Variants in PDZD8 observed in about 807,000 individuals in gnomAD.
PDZD8 encodes the protein PDZ domain-containing protein 8.
PDZD8 carries 14 observed loss-of-function variants against 85.8 expected under a neutral mutation model. The ratio of observed to expected loss-of-function variants is 0.16; its 90% CI spans 0.11 to 0.26. The LOEUF (loss-of-function observed/expected upper bound fraction) is 0.26. PDZD8 is among the 10% of genes least tolerant of loss of function. The probability of loss-of-function intolerance (pLI) is 1.00; values close to 1 mark genes in which losing one functional copy is unlikely to be tolerated. For missense variants in PDZD8, 1,197 were observed against 1,424.3 expected (o/e 0.84, Z 2.57); for synonymous variants, 592 against 568.6 (o/e 1.04, Z -0.59).
intron 1 of PDZD8, among the ~76,000 whole-genome samples, chr10:117,356,208 A>G (rs1844892367): frequency 6.6e-6 from 1 of 152,098 alleles, no homozygotes; most frequent in Admixed American, 6.5e-5. Context: ...TTTAGAGACA[A>G]CTGTGTTAAA....
intron 3 of PDZD8, among the ~76,000 whole-genome samples, chr10:117,298,113 T>C (rs776126856): frequency 2.0e-5 from 3 of 152,030 alleles, no homozygotes; most frequent in Non-Finnish European, 2.9e-5. Flanking sequence ...GACCTACCCA[T>C]AATTGGAATT....
rs1401634608 is a variant in PDZD8, at chr10:117,374,881, C to A, written c.347G>T (p.Arg116Leu). ...CTTGATCTTCTTGGTGACCCAGCGG[C>A]GGGTCAGCGCGGTGTCCCGCAACTC... ...FRELRDTALT[R>L]RWVTKKIKVE... The change falls in exon 1 of 5, where the codon CGC (arginine) becomes CTC (leucine). Residue 116 changes from arginine (R) to leucine (L), a missense_variant. Coordinates refer to ENST00000334464, the MANE Select transcript of PDZD8 (RefSeq NM_173791.5). The surrounding 1 kb of genome is among the most constrained non-coding windows in gnomAD (Gnocchi z 7.8). 1.7e-5 allele frequency: 28 copies of A among 1,613,408 alleles called. No homozygotes were observed. Among genetic ancestry groups the A allele is most frequent in the African/African-American group, 2.7e-5 (2 of 74,914 alleles).
rs1844594080 is a variant in PDZD8 at position 117,283,057 on chromosome 10, A to C, written c.*211T>G. On this transcript the variant is annotated 3_prime_UTR_variant, in exon 5 of 5. Transcript: ENST00000334464. The stretch of plus-strand genomic sequence containing the variant: ...AATAAATTCCCAGTATAAACCCAAA[A>C]AAGCATAGCTATAAATGCAATCCAA... 1 of 479,924 alleles carries C rather than the reference A, an allele frequency of 2.1e-6. No homozygotes were observed. 29.7% of individuals were successfully genotyped at this position (479,924 alleles called of 1,614,324 possible). A position where few individuals can be genotyped will look rare whatever the true frequency, so the allele number is the denominator to read the frequency against.
chr10:117,349,051 T>C (rs937274417), intron 1 of PDZD8, among the ~76,000 whole-genome samples: 2 of 152,202 alleles, frequency 1.3e-5, no homozygotes, highest in African/African-American at 4.8e-5. Flanking sequence ...GAAGACTACA[T>C]CCTTTTATTA....
rs1021954166 is a variant in PDZD8 at position 117,283,204 on chromosome 10, G to T, written c.*64C>A. The T allele has an allele frequency of 2.7e-6, 4 of 1,461,524 alleles. No homozygotes were observed. The highest frequency in any genetic ancestry group is 2.8e-6 in the Non-Finnish European group (3 of 1,083,590). The allele number at this position is 1,461,524 out of a possible 1,614,324, so 90.5% of individuals were successfully genotyped here. On this transcript the variant is annotated 3_prime_UTR_variant, in exon 5 of 5. Transcript: ENST00000334464. Reference sequence around the variant, plus strand: ...TGCATACGAGGATTTAAACATGGTTGTATCTGTGGTACTTTAGATGCAACT... The same window carrying T: ...TGCATACGAGGATTTAAACATGGTTTTATCTGTGGTACTTTAGATGCAACT...
intron 2 of PDZD8, among the ~76,000 whole-genome samples, chr10:117,331,890 T>C (rs2803804): frequency 0.77 from 116,892 of 152,034 alleles, 45,590 homozygotes; most frequent in Non-Finnish European, 0.85. Flanking sequence ...CCTACATAAA[T>C]ACAGGAGGGA....
chr10:117,315,301 T>C (rs889914658), intron 3 of PDZD8, among the ~76,000 whole-genome samples: 28 of 152,104 alleles, frequency 1.8e-4, no homozygotes, highest in African/African-American at 6.5e-4. Context: ...TAATAATCTA[T>C]TTGGTGTCTG....
chr10:117,361,257 TA>T (rs1156834518), intron 1 of PDZD8, among the ~76,000 whole-genome samples: 6 of 152,138 alleles, frequency 3.9e-5, no homozygotes, highest in Admixed American at 3.3e-4. Context: ...AATTTTTTTT[TA>T]AATTCTAAGC....
intron 1 of PDZD8, among the ~76,000 whole-genome samples, chr10:117,370,829 A>G (rs1429450404): frequency 6.6e-6 from 1 of 152,194 alleles, no homozygotes; most frequent in Non-Finnish European, 1.5e-5. Context: ...TCTTCTCAAG[A>G]GTTCTAGGTT....
intron 2 of PDZD8, among the ~76,000 whole-genome samples, chr10:117,331,204 C>CTGGTGGTAGTGTGGTGGAAGCAG (rs1448476836): frequency 5.9e-5 from 9 of 152,250 alleles, no homozygotes; most frequent in African/African-American, 2.2e-4. Flanking sequence ...GTTGGAAAGA[C>CTGGTGGTAGTGTGGTGGAAGCAG]TGGTGGTAGT....
chr10:117,372,686 T>A (rs541173809), intron 1 of PDZD8, among the ~76,000 whole-genome samples: 55 of 152,314 alleles, frequency 3.6e-4, no homozygotes, highest in African/African-American at 1.1e-3. Flanking sequence ...ATAAAGTATG[T>A]TCTACTTCAC....
At chr10:117,350,036 A>G (rs1376666823) in intron 1 of PDZD8, among the ~76,000 whole-genome samples, 1 of 152,188 alleles carries the variant, frequency 6.6e-6, no homozygotes, top group Non-Finnish European at 1.5e-5. Flanking sequence ...TTATTAGTAT[A>G]GCTAACACTT....
At chr10:117,300,863 G>C (rs766883531) in intron 3 of PDZD8, among the ~76,000 whole-genome samples, 5 of 152,122 alleles carry the variant, frequency 3.3e-5, no homozygotes, top group Non-Finnish European at 5.9e-5. Flanking sequence ...TGAATCTGCT[G>C]GTGCCCTGAT....
chr10:117,302,051 T>C (rs1843856846), intron 3 of PDZD8, among the ~76,000 whole-genome samples: 1 of 152,062 alleles, frequency 6.6e-6, no homozygotes, highest in Non-Finnish European at 1.5e-5. Flanking sequence ...AATTTCTAGG[T>C]TCTAGAACAA....
chr10:117,325,404 C>CTTTTTT (rs71013659), intron 2 of PDZD8, among the ~76,000 whole-genome samples: 2 of 99,842 alleles, frequency 2.0e-5, no homozygotes, highest in African/African-American at 3.7e-5. Flanking sequence ...GAAAAGCCAA[C>CTTTTTT]TTTTTTTTTT....
intron 4 of PDZD8, among the ~76,000 whole-genome samples, chr10:117,288,804 G>A (rs1029996247): frequency 6.6e-6 from 1 of 152,274 alleles, no homozygotes; most frequent in East Asian, 1.9e-4. Context: ...CACTGAGCCC[G>A]GCCTGTTGTT....
At chr10:117,342,931 A>G (rs1844640800) in intron 1 of PDZD8, among the ~76,000 whole-genome samples, 1 of 152,188 alleles carries the variant, frequency 6.6e-6, no homozygotes, top group Non-Finnish European at 1.5e-5. Flanking sequence ...GATTCCTCAA[A>G]GCCTGTCCAA....
In PDZD8 at chr10:117,338,304, CTT is replaced by C. The variant is rs375147189; in HGVS notation, c.995+2674_995+2675del. ...AACACAGTACCACAACACTGAGTAA[CTT>C]TTACATGCTTGGATTTGTAAAAATG... On this transcript the variant is annotated intron_variant, in intron 2 of 4. Transcript: ENST00000334464. 3.0e-4 allele frequency among the ~76,000 whole-genome samples: 45 copies of C among 152,280 alleles called. 1 individual carries two copies. The East Asian group carries it at 7.5e-3, about 25-fold the overall frequency.
Position 117,374,543 on chromosome 10 carries a change from G to A in PDZD8, c.685C>T (p.Leu229=). Residue 229 remains leucine (L), a synonymous_variant, in exon 1 of 5, where the codon CTG becomes TTG. Coordinates refer to ENST00000334464, the MANE Select transcript of PDZD8 (RefSeq NM_173791.5). The surrounding 1 kb of genome is among the most constrained non-coding windows in gnomAD (Gnocchi z 7.8). ...GGCACGCGCGTAAAGACCAAGCGCA[G>A]CCTTCCCACCACGCGGGACAGCTTG... ...FVKLSRVVGR[L]RLVFTRVPFT... 6.2e-7 allele frequency: 1 copy of A among 1,607,462 alleles called. No individual in the cohort carries two copies. The highest frequency in any genetic ancestry group is 2.2e-5 in the East Asian group (1 of 44,596).
Sources: gnomAD v4.1 joint callset for allele counts (sites outside exome capture counted in the v4.1 genomes callset) on GRCh38, gnomAD v4.1.1 for gene constraint, Gnocchi (gnomAD v3.1) non-coding constraint, MANE v1.5 for transcripts, NCBI Gene and HGNC (gene_info 2026-07-23, HGNC 2026-07-21) for gene names.